SCARA5: variants seen among roughly 807,000 people sequenced by gnomAD.
SCARA5 encodes scavenger receptor class A, member 5 (putative).
In SCARA5, 45 loss-of-function variants were observed where a neutral mutation model predicts 46.3. The ratio of observed to expected loss-of-function variants is 0.97; its 90% CI spans 0.76 to 1.24. The LOEUF is 1.24. SCARA5 is among the 50% of genes most tolerant of loss of function. The pLI, the probability that SCARA5 is intolerant of heterozygous loss-of-function variation, is 0.00. For synonymous variants in SCARA5, 333 were observed against 306.5 expected (o/e 1.09, Z -0.90); for missense variants, 680 against 689.0 (o/e 0.99, Z 0.15).
At chr8:27,980,510 T>C in intron 2 of SCARA5, among the ~76,000 whole-genome samples, 1 of 152,158 alleles carries the variant, frequency 6.6e-6, no homozygotes, top group East Asian at 1.9e-4. Flanking sequence ...GGAGATGGCA[T>C]GGCCTAGGGC....
chr8:27,885,424 T>C (rs1430294398), intron 7 of SCARA5, among the ~76,000 whole-genome samples: 6 of 152,194 alleles, frequency 3.9e-5, no homozygotes, highest in Non-Finnish European at 7.3e-5. Context: ...ATAATTGCTA[T>C]TGCTATTTAC....
intron 4 of SCARA5, among the ~76,000 whole-genome samples, chr8:27,915,421 C>T (rs757691004): frequency 1.8e-4 from 27 of 152,142 alleles, no homozygotes; most frequent in Non-Finnish European, 2.2e-4. Context: ...CACCATACAA[C>T]GTCCCAGGGA....
At chr8:27,893,494 G>C (rs1000866167) in intron 7 of SCARA5, among the ~76,000 whole-genome samples, 1 of 152,130 alleles carries the variant, frequency 6.6e-6, no homozygotes, top group African/African-American at 2.4e-5. Context: ...GGCAAAGCAG[G>C]CTGAGTCTTA....
intron 2 of SCARA5, among the ~76,000 whole-genome samples, chr8:27,984,889 A>C (rs1041757887): frequency 6.6e-6 from 1 of 151,996 alleles, no homozygotes; most frequent in East Asian, 1.9e-4. Flanking sequence ...TCATTTACTC[A>C]TTCATTCATC....
chr8:27,992,504 G>A lies in SCARA5; in HGVS notation c.-263C>T, dbSNP rs1310939523. On this transcript the variant is annotated 5_prime_UTR_variant, in exon 1 of 9. Coordinates refer to ENST00000354914, the MANE Select transcript of SCARA5 (RefSeq NM_173833.6). ...AGGTCAAGATGCAACCTGTGGCAGA[G>A]TGGGGGTCTGGGCCTGGGGGACCCA... is the stretch of plus-strand genomic sequence containing the variant. The A allele has an allele frequency of 6.6e-6, 1 of 152,598 alleles. No individual in the cohort carries two copies. The highest frequency in any genetic ancestry group is 6.5e-5 in the Admixed American group (1 of 15,290). The allele number at this position is 152,598 out of a possible 1,614,324, so 9.5% of individuals were successfully genotyped here.
At chr8:27,937,952 G>A (rs1807883795) in intron 3 of SCARA5, among the ~76,000 whole-genome samples, 1 of 152,214 alleles carries the variant, frequency 6.6e-6, no homozygotes, top group Admixed American at 6.5e-5. Context: ...CTGAGGCACG[G>A]GGTGGGGATA....
chr8:27,987,591 G>C lies in SCARA5; in HGVS notation c.25C>G (p.His9Asp), dbSNP rs1217139490. Reference protein sequence around the residue: MENKAMYLHTVSDCDTSSI... With the variant: MENKAMYLDTVSDCDTSSI... ...CTGGTGTCACAGTCGCTGACGGTGT[G>C]TAGGTACATAGCTTTGTTCTCCATC... Residue 9 changes from histidine (H) to aspartate (D), a missense_variant, in exon 2 of 9, where the codon CAC (histidine) becomes GAC (aspartate). Physicochemically the swap from His to Asp is moderately conservative, Grantham distance 81 (BLOSUM62 -1). Transcript: ENST00000354914. 1 of 1,613,532 alleles carries C rather than the reference G, an allele frequency of 6.2e-7. No individual in the cohort carries two copies. Among genetic ancestry groups the C allele is most frequent in the Non-Finnish European group, 8.5e-7 (1 of 1,179,564 alleles).
intron 8 of SCARA5, among the ~76,000 whole-genome samples, chr8:27,879,053 C>T (rs1037020534): frequency 6.6e-6 from 1 of 152,036 alleles, no homozygotes; most frequent in Non-Finnish European, 1.5e-5. Flanking sequence ...CATTGCCCTC[C>T]AAACTAGATG....
chr8:27,940,369 G>A (rs1048560017), intron 3 of SCARA5, among the ~76,000 whole-genome samples: 5 of 152,058 alleles, frequency 3.3e-5, no homozygotes, highest in African/African-American at 9.7e-5. Flanking sequence ...TTTAAAAGGT[G>A]GACTCACAGT....
chr8:27,979,698 C>A (rs1808585214), intron 2 of SCARA5, among the ~76,000 whole-genome samples: 1 of 152,062 alleles, frequency 6.6e-6, no homozygotes, highest in African/African-American at 2.4e-5. Flanking sequence ...GGATTACAGG[C>A]ACACACCGCC....
At chr8:27,938,642 A>G (rs1482386628) in intron 3 of SCARA5, among the ~76,000 whole-genome samples, 1 of 152,178 alleles carries the variant, frequency 6.6e-6, no homozygotes, top group Non-Finnish European at 1.5e-5. Flanking sequence ...CTCTGCCTAC[A>G]ATGAATCAGT....
At chr8:27,914,637 T>G (rs2727004) in intron 4 of SCARA5, among the ~76,000 whole-genome samples, 83,616 of 152,142 alleles carry the variant, frequency 0.55, 23,799 homozygotes, top group Non-Finnish European at 0.63. Context: ...GTACCCAGGT[T>G]AGCTTTTTCA....
chr8:27,986,137 T>A (rs1165236475), intron 2 of SCARA5, among the ~76,000 whole-genome samples: 3 of 152,146 alleles, frequency 2.0e-5, no homozygotes. Context: ...CACCTTCCCC[T>A]TTGCGGATGG....
intron 4 of SCARA5, among the ~76,000 whole-genome samples, chr8:27,911,753 T>G (rs1807381443): frequency 6.6e-6 from 1 of 152,136 alleles, no homozygotes; most frequent in Non-Finnish European, 1.5e-5. Context: ...CTTTATAGTG[T>G]CCCTACCCCC....
At chr8:27,885,576 C>T (rs1806882440) in intron 7 of SCARA5, among the ~76,000 whole-genome samples, 2 of 152,210 alleles carry the variant, frequency 1.3e-5, no homozygotes, top group Non-Finnish European at 2.9e-5. Context: ...CAGGTGCTGG[C>T]TGGAGGGCAT....
At chr8:27,914,107 A>G (rs1263582511) in intron 4 of SCARA5, among the ~76,000 whole-genome samples, 1 of 152,168 alleles carries the variant, frequency 6.6e-6, no homozygotes, top group Admixed American at 6.5e-5. Flanking sequence ...GTGATAGTGA[A>G]TAAGTCTCAT....
chr8:27,967,497 G>A (rs968755612), intron 2 of SCARA5, among the ~76,000 whole-genome samples: 1 of 152,164 alleles, frequency 6.6e-6, no homozygotes, highest in African/African-American at 2.4e-5. Context: ...AGGGCATGTA[G>A]GAATCACTGG....
chr8:27,953,282 C>T (rs1488355939), intron 3 of SCARA5, among the ~76,000 whole-genome samples: 1 of 152,198 alleles, frequency 6.6e-6, no homozygotes, highest in Non-Finnish European at 1.5e-5. Flanking sequence ...CTGCAGGAGC[C>T]CTTTGCTCTT....
chr8:27,942,562 C>T (rs542268592), intron 3 of SCARA5, among the ~76,000 whole-genome samples: 8 of 152,288 alleles, frequency 5.3e-5, no homozygotes, highest in South Asian at 2.1e-4. Context: ...AGCTGCCTTC[C>T]GATGCCCCGG....
Sources: gnomAD v4.1 joint callset for allele counts (sites outside exome capture counted in the v4.1 genomes callset) on GRCh38, gnomAD v4.1.1 for gene constraint, MANE v1.5 for transcripts, NCBI Gene and HGNC (gene_info 2026-07-23, HGNC 2026-07-21) for gene names.